The following UNC5D variants were observed in gnomAD, a reference collection of about 807,000 sequenced individuals.
UNC5D encodes unc-5 netrin receptor D.
Under a neutral mutation model 105.4 loss-of-function variants are expected in UNC5D, and 39 were observed. The observed-to-expected ratio is 0.37, with a 90% confidence interval of 0.29 to 0.48. The LOEUF (loss-of-function observed/expected upper bound fraction) is 0.48, where lower values mean the gene tolerates loss of function less well. UNC5D is among the 20% of genes least tolerant of loss of function. The pLI is 0.98. For missense variants in UNC5D, 991 were observed against 1,202.4 expected (o/e 0.82, Z 2.60); for synonymous variants, 452 against 450.4 (o/e 1.00, Z -0.04).
In UNC5D at chr8:35,456,324, AC is replaced by A. The variant is rs1429778722; in HGVS notation, c.104-92963del. On this transcript the variant is annotated intron_variant, in intron 1 of 16. Coordinates refer to ENST00000404895, the MANE Select transcript of UNC5D (RefSeq NM_080872.4). ...GTTAAAACACAGATTGCTGGCTCCT[AC>A]CCCCAGAATTTCTGATAGGTTAGGA... Among the ~76,000 whole-genome samples, 18 of 152,200 alleles carry A rather than the reference AC, an allele frequency of 1.2e-4. No individual in the cohort carries two copies. The East Asian group carries it at 3.3e-3, about 28-fold the overall frequency.
intron 1 of UNC5D, among the ~76,000 whole-genome samples, chr8:35,263,705 T>C (rs1454089678): frequency 6.6e-6 from 1 of 152,254 alleles, no homozygotes; most frequent in Non-Finnish European, 1.5e-5. Context: ...GTAGAGTAGA[T>C]GACAGAATAC....
chr8:35,696,999 G>T (rs34856597), intron 7 of UNC5D, among the ~76,000 whole-genome samples: 191 of 152,228 alleles, frequency 1.3e-3, no homozygotes, highest in Non-Finnish European at 2.1e-3. Context: ...TTGTTAACTA[G>T]TGTGTTACCT....
At chr8:35,358,415 G>T (rs896273121) in intron 1 of UNC5D, among the ~76,000 whole-genome samples, 1 of 152,140 alleles carries the variant, frequency 6.6e-6, no homozygotes, top group Non-Finnish European at 1.5e-5. Context: ...AACACCGCAT[G>T]TTCTCATTTA....
intron 1 of UNC5D, among the ~76,000 whole-genome samples, chr8:35,455,884 G>A (rs1402820365): frequency 6.6e-6 from 1 of 152,046 alleles, no homozygotes; most frequent in Non-Finnish European, 1.5e-5. Context: ...ATTCAATTAT[G>A]TCCTGCTGGG....
rs1398324965 is a variant in UNC5D, at chr8:35,595,548, T to C, written c.467-6T>C. 6.2e-7 allele frequency: 1 copy of C among 1,613,630 alleles called. No individual in the cohort carries two copies. The highest frequency in any genetic ancestry group is 8.5e-7 in the Non-Finnish European group (1 of 1,179,710). ...AAAGTGTCACCTATCTCATGCTTCT[T>C]TGCAGATTTACGGAAAAACTTTGAA... On this transcript the variant is annotated splice_polypyrimidine_tract_variant and splice_region_variant and intron_variant, in intron 3 of 16. Transcript: ENST00000404895.
chr8:35,291,408 C>A (rs1807056221), intron 1 of UNC5D, among the ~76,000 whole-genome samples: 1 of 152,130 alleles, frequency 6.6e-6, no homozygotes, highest in African/African-American at 2.4e-5. Context: ...ATTCTAAGTA[C>A]CATAAAGGAT....
At chr8:35,628,239 T>G (rs1563607977) in intron 4 of UNC5D, among the ~76,000 whole-genome samples, 1 of 152,146 alleles carries the variant, frequency 6.6e-6, no homozygotes, top group Non-Finnish European at 1.5e-5. Flanking sequence ...GTCCGACTGA[T>G]TCTCGTGCCT....
chr8:35,734,750 AG>A (rs1829375036), intron 11 of UNC5D, among the ~76,000 whole-genome samples: 2 of 148,226 alleles, frequency 1.3e-5, no homozygotes, highest in Admixed American at 1.3e-4. Context: ...AATGTTTTTG[AG>A]GGAGGGGAAA....
chr8:35,363,593 G>C (rs1801961493), intron 1 of UNC5D, among the ~76,000 whole-genome samples: 1 of 151,982 alleles, frequency 6.6e-6, no homozygotes, highest in Admixed American at 6.6e-5. Flanking sequence ...ATGATGTTGT[G>C]GCCTTCTCTG....
intron 14 of UNC5D, among the ~76,000 whole-genome samples, chr8:35,760,773 A>ATT (rs113961033): frequency 6.3e-5 from 9 of 142,964 alleles, no homozygotes; most frequent in Non-Finnish European, 1.1e-4. Context: ...TCCTTGCAGC[A>ATT]TTTTTTTTTT....
At chr8:35,512,539 GTATATATATATA>G (rs71215633) in intron 1 of UNC5D, among the ~76,000 whole-genome samples, 1,753 of 40,270 alleles carry the variant, frequency 0.044, 144 homozygotes, top group African/African-American at 0.15. Context: ...AGATATGTAT[GTATATATATATA>G]TATATATATA....
chr8:35,311,272 T>C (rs982426103), intron 1 of UNC5D, among the ~76,000 whole-genome samples: 2 of 152,020 alleles, frequency 1.3e-5, no homozygotes, highest in African/African-American at 4.8e-5. Flanking sequence ...CAGAGAATAT[T>C]TAGAAAGGCC....
chr8:35,338,416 T>G (rs1177581480), intron 1 of UNC5D, among the ~76,000 whole-genome samples: 2 of 152,162 alleles, frequency 1.3e-5, no homozygotes, highest in Non-Finnish European at 2.9e-5. Context: ...TGTGTGTGTG[T>G]AAAACAAGAG....
chr8:35,667,646 T>C (rs1250675439), intron 4 of UNC5D, among the ~76,000 whole-genome samples: 1 of 152,200 alleles, frequency 6.6e-6, no homozygotes, highest in South Asian at 2.1e-4. Flanking sequence ...ACCAAAAATT[T>C]TAAATAACAT....
rs559264338 is a variant in UNC5D at position 35,291,983 on chromosome 8, C to T, written c.103+56096C>T. Among the ~76,000 whole-genome samples, 41 of 152,236 alleles carry T rather than the reference C, an allele frequency of 2.7e-4. No homozygotes were observed. The East Asian group carries it at 3.5e-3, about 13-fold the overall frequency. ...TATTCGTTATCCATGAACATTCACCCGCTGGTTTTCTTCTAGGTTTCTTCC... is the reference window on the plus strand; with the variant it reads ...TATTCGTTATCCATGAACATTCACCTGCTGGTTTTCTTCTAGGTTTCTTCC... On this transcript the variant is annotated intron_variant, in intron 1 of 16. Transcript: ENST00000404895.
At chr8:35,706,709 G>C (rs571450870) in intron 8 of UNC5D, among the ~76,000 whole-genome samples, 1 of 152,122 alleles carries the variant, frequency 6.6e-6, no homozygotes, top group Non-Finnish European at 1.5e-5. Context: ...AGGTGGGGCT[G>C]AGAACCATGA....
intron 1 of UNC5D, among the ~76,000 whole-genome samples, chr8:35,440,470 C>T (rs1485144384): frequency 5.3e-5 from 8 of 151,860 alleles, no homozygotes; most frequent in African/African-American, 1.7e-4. Flanking sequence ...TTCTTTGAAA[C>T]TTTGAGCTTA....
At chr8:35,411,118 G>T (rs1487403946) in intron 1 of UNC5D, among the ~76,000 whole-genome samples, 1 of 151,956 alleles carries the variant, frequency 6.6e-6, no homozygotes, top group Non-Finnish European at 1.5e-5. Context: ...TAGATAACAG[G>T]ATAGTTTGAG....
In UNC5D at chr8:35,794,698, ACT is replaced by A. The variant is rs1440605312; in HGVS notation, c.*4138_*4139del. On this transcript the variant is annotated 3_prime_UTR_variant, in exon 17 of 17. Transcript: ENST00000404895. ...CATATTTTGTGTTTTTACGTTCCAA[ACT>A]CTTTCAAAAGCTGCCGTTACAAAGC... 2 of 152,468 alleles carry A rather than the reference ACT, an allele frequency of 1.3e-5. No individual in the cohort carries two copies. The highest frequency in any genetic ancestry group is 4.8e-5 in the African/African-American group (2 of 41,386). 9.4% of individuals were successfully genotyped at this position (152,468 alleles called of 1,614,324 possible).
Sources: gnomAD v4.1 joint callset for allele counts (sites outside exome capture counted in the v4.1 genomes callset) on GRCh38, gnomAD v4.1.1 for gene constraint, MANE v1.5 for transcripts, NCBI Gene and HGNC (gene_info 2026-07-23, HGNC 2026-07-21) for gene names.